The following FRMD4B variants were observed in gnomAD, a reference collection of about 807,000 sequenced individuals.
The protein encoded by FRMD4B is FERM domain containing 4B, also known as FERM domain-containing protein 4B.
A neutral mutation model predicts 141.5 loss-of-function variants in FRMD4B; 74 were observed. That is an observed-to-expected ratio of 0.52 (90% CI 0.43 to 0.63). The LOEUF (loss-of-function observed/expected upper bound fraction) is 0.63. Among genes scored for constraint, FRMD4B ranks in the 30% least tolerant of loss-of-function variants. The probability of loss-of-function intolerance (pLI) is 0.00; values close to 1 mark genes in which losing one functional copy is unlikely to be tolerated. For missense variants in FRMD4B, 1,366 were observed against 1,253.4 expected (o/e 1.09, Z -1.36); for synonymous variants, 506 against 467.9 (o/e 1.08, Z -1.05).
chr3:69,422,013 T>C (rs1019053200), intron 2 of FRMD4B, among the ~76,000 whole-genome samples: 2 of 152,398 alleles, frequency 1.3e-5, no homozygotes, highest in African/African-American at 4.8e-5. Flanking sequence ...TCTGCAGATC[T>C]GTTAATAGAA....
chr3:69,234,075 G>T (rs1269067436), intron 7 of FRMD4B, among the ~76,000 whole-genome samples: 1 of 151,914 alleles, frequency 6.6e-6, no homozygotes, highest in Non-Finnish European at 1.5e-5. Context: ...GTGAAACTCC[G>T]TCTCTACTTA....
At chr3:69,344,786 G>A (rs1702874490) in intron 1 of FRMD4B, among the ~76,000 whole-genome samples, 1 of 152,026 alleles carries the variant, frequency 6.6e-6, no homozygotes, top group South Asian at 2.1e-4. Context: ...GTTCCTGAAA[G>A]AATAAGTACA....
intron 11 of FRMD4B, among the ~76,000 whole-genome samples, chr3:69,210,337 C>A (rs1431226922): frequency 6.6e-6 from 1 of 152,152 alleles, no homozygotes; most frequent in East Asian, 1.9e-4. Context: ...GTCTCTGACC[C>A]ACTGTCTGCT....
chr3:69,261,832 C>G (rs1293948435), intron 5 of FRMD4B, among the ~76,000 whole-genome samples: 1 of 152,096 alleles, frequency 6.6e-6, no homozygotes, highest in Non-Finnish European at 1.5e-5. Flanking sequence ...GCCACCATGC[C>G]TGGCTAATTT....
rs146542855 is a variant in FRMD4B at position 69,461,542 on chromosome 3, T to C, written c.-128-28781A>G. On this transcript the variant is annotated intron_variant, in intron 1 of 5. Coordinates refer to the FRMD4B transcript ENST00000459638. ...GAGCAGCTGAGGTGGGAGAATCACT[T>C]GAGCCTAGGAGTTTGAGGCCATAGT... 5.7e-5 allele frequency among the ~76,000 whole-genome samples: 8 copies of C among 141,010 alleles called. No individual in the cohort carries two copies. In the East Asian group the frequency reaches 1.9e-3, roughly 33 times the overall value. The allele number at this position is 141,010 out of a possible 152,430, so 92.5% of individuals were successfully genotyped here.
chr3:69,250,913 C>T (rs1293124892), intron 5 of FRMD4B, among the ~76,000 whole-genome samples: 3 of 151,206 alleles, frequency 2.0e-5, no homozygotes, highest in African/African-American at 7.4e-5. Flanking sequence ...CATAGAGAGA[C>T]CTCATCTCTA....
At chr3:69,367,740 T>C (rs904477913) in intron 1 of FRMD4B, among the ~76,000 whole-genome samples, 2 of 152,236 alleles carry the variant, frequency 1.3e-5, no homozygotes, top group Non-Finnish European at 2.9e-5. Flanking sequence ...TTCTCACTGC[T>C]TTGCTATTTG....
intron 1 of FRMD4B, among the ~76,000 whole-genome samples, chr3:69,364,772 G>A (rs1703588755): frequency 6.6e-6 from 1 of 152,014 alleles, no homozygotes; most frequent in South Asian, 2.1e-4. Context: ...AATTTAGATG[G>A]CCAAAGAAGC....
chr3:69,347,312 G>A (rs1470354280), intron 1 of FRMD4B, among the ~76,000 whole-genome samples: 3 of 152,100 alleles, frequency 2.0e-5, no homozygotes, highest in East Asian at 1.9e-4. Context: ...CCCAATACAG[G>A]AGCACCCAGA....
chr3:69,289,855 C>A (rs1361617970), intron 4 of FRMD4B, among the ~76,000 whole-genome samples: 2 of 152,060 alleles, frequency 1.3e-5, no homozygotes, highest in South Asian at 2.1e-4. Flanking sequence ...AATCACTGAT[C>A]AATGTTATTT....
chr3:69,227,798 T>C (rs2093268796), intron 7 of FRMD4B, among the ~76,000 whole-genome samples: 2 of 152,154 alleles, frequency 1.3e-5, no homozygotes, highest in Non-Finnish European at 1.5e-5. Context: ...ATTATGCATT[T>C]GACAAAACCT....
At chr3:69,454,275 A>T (rs981900861) in intron 1 of FRMD4B, among the ~76,000 whole-genome samples, 1 of 152,244 alleles carries the variant, frequency 6.6e-6, no homozygotes, top group Non-Finnish European at 1.5e-5. Context: ...GGGAGGTGAC[A>T]GCGTGCTGGC....
intron 1 of FRMD4B, among the ~76,000 whole-genome samples, chr3:69,486,571 C>G (rs1236188489): frequency 1.3e-5 from 2 of 152,098 alleles, no homozygotes; most frequent in Non-Finnish European, 2.9e-5. Flanking sequence ...GGAATTGAAC[C>G]TATAACTTCA....
At chr3:69,430,661 A>T (rs763077381) in intron 2 of FRMD4B, among the ~76,000 whole-genome samples, 8 of 152,340 alleles carry the variant, frequency 5.3e-5, no homozygotes, top group Non-Finnish European at 1.2e-4. Context: ...GCAGGTGAAA[A>T]GTAACTGAAG....
At chr3:69,424,078 T>A (rs547148540) in intron 2 of FRMD4B, among the ~76,000 whole-genome samples, 4 of 152,290 alleles carry the variant, frequency 2.6e-5, no homozygotes, top group African/African-American at 9.6e-5. Context: ...TGATATGAGT[T>A]CAATGTTAAT....
chr3:69,405,568 A>C (rs1407152161), intron 2 of FRMD4B, among the ~76,000 whole-genome samples: 4 of 152,212 alleles, frequency 2.6e-5, no homozygotes, highest in Non-Finnish European at 4.4e-5. Context: ...TCCTGTTACC[A>C]GAAGAAGAAG....
chr3:69,528,221 T>A (rs1700956827), intron 1 of FRMD4B, among the ~76,000 whole-genome samples: 1 of 152,076 alleles, frequency 6.6e-6, no homozygotes. Flanking sequence ...ATGACGACTA[T>A]GGGTTTCCTT....
chr3:69,205,712 C>T (rs1402914838), intron 11 of FRMD4B, among the ~76,000 whole-genome samples: 1 of 152,128 alleles, frequency 6.6e-6, no homozygotes, highest in Non-Finnish European at 1.5e-5. Flanking sequence ...GAATATGATG[C>T]CCCCACAACA....
chr3:69,212,264 G>T (rs185560725), intron 11 of FRMD4B, among the ~76,000 whole-genome samples: 216 of 146,858 alleles, frequency 1.5e-3, no homozygotes, highest in African/African-American at 4.7e-3. Flanking sequence ...GGAGGCTGAG[G>T]TAGGAGAATC....
Sources: allele counts gnomAD v4.1 joint callset (sites outside exome capture counted in the v4.1 genomes callset), GRCh38; gene constraint gnomAD v4.1.1; transcripts MANE v1.5; gene names NCBI Gene and HGNC (gene_info 2026-07-23, HGNC 2026-07-21).